MYL4: variants seen among roughly 807,000 people sequenced by gnomAD.
MYL4 encodes myosin light chain 4.
A neutral mutation model predicts 21.6 loss-of-function variants in MYL4; 16 were observed. The ratio of observed to expected loss-of-function variants is 0.74; its 90% CI spans 0.50 to 1.12. The LOEUF (loss-of-function observed/expected upper bound fraction) is 1.12, where lower values mean the gene tolerates loss of function less well. Among genes scored for constraint, MYL4 ranks in the 50% most tolerant of loss-of-function variants. MYL4 has a pLI of 0.00. For missense variants in MYL4, 249 were observed against 252.9 expected (o/e 0.98, Z 0.11); for synonymous variants, 82 against 95.7 (o/e 0.86, Z 0.83).
At chr17:47,209,791 T>C in intron 1 of MYL4, 1 of 615,232 alleles carries the variant, frequency 1.6e-6, no homozygotes, top group Non-Finnish European at 2.8e-6. Context: ...AGCCCTGTCC[T>C]GCTACCCTAG....
At chr17:47,207,068 AG>A (rs1348158508), upstream of MYL4, among the ~76,000 whole-genome samples, 3 of 152,276 alleles carry the variant, frequency 2.0e-5, no homozygotes, top group Admixed American at 6.5e-5. Context: ...GTAGCCGGCA[AG>A]GAAGAGAGGT....
At chr17:47,193,404 T>G in the MYL4 span, among the ~76,000 whole-genome samples, 6,255 of 151,498 alleles carry the variant, frequency 0.041, 193 homozygotes, top group Middle Eastern at 0.099. Flanking sequence ...AGTAGCTGAA[T>G]TTACAGGTGT....
upstream of MYL4, among the ~76,000 whole-genome samples, chr17:47,206,682 T>C (rs930467475): frequency 2.6e-5 from 4 of 152,106 alleles, no homozygotes; most frequent in African/African-American, 9.7e-5. Context: ...GATAGCAAGA[T>C]TGCTAGTCTC....
the MYL4 span, among the ~76,000 whole-genome samples, chr17:47,189,729 C>G: frequency 6.6e-6 from 1 of 152,206 alleles, no homozygotes; most frequent in Admixed American, 6.5e-5. Context: ...AAGTATTTGT[C>G]TATTGAGTTT....
the MYL4 span, among the ~76,000 whole-genome samples, chr17:47,194,988 G>A: frequency 2.7e-5 from 4 of 150,896 alleles, no homozygotes; most frequent in Admixed American, 6.6e-5. Context: ...TGGTCCACCC[G>A]TCTCAGCCTC....
At chr17:47,202,376 T>G (rs1376486121) in intron 1 of MYL4, among the ~76,000 whole-genome samples, 1 of 152,218 alleles carries the variant, frequency 6.6e-6, no homozygotes, top group Non-Finnish European at 1.5e-5. Flanking sequence ...TATAAACACT[T>G]AATCTGTATT....
At chr17:47,227,266 A>G (rs142139163), downstream of MYL4, among the ~76,000 whole-genome samples, 26 of 152,340 alleles carry the variant, frequency 1.7e-4, no homozygotes, top group East Asian at 4.8e-3. Context: ...TTGTCCTCCT[A>G]GTCATCCCTT....
chr17:47,224,651 T>C (rs959322522), downstream of MYL4, among the ~76,000 whole-genome samples: 28 of 152,220 alleles, frequency 1.8e-4, no homozygotes, highest in Admixed American at 6.5e-4. Flanking sequence ...TTATTTCACT[T>C]AGCACAATGT....
At chr17:47,198,743 T>C (rs1286070713), upstream of MYL4, among the ~76,000 whole-genome samples, 1 of 152,016 alleles carries the variant, frequency 6.6e-6, no homozygotes, top group Admixed American at 6.6e-5. Context: ...TCCCAGCACT[T>C]TGGAAGTTCA....
chr17:47,190,340 A>G, the MYL4 span, among the ~76,000 whole-genome samples: 1 of 152,344 alleles, frequency 6.6e-6, no homozygotes, highest in South Asian at 2.1e-4. Context: ...GGCCGTGTCT[A>G]GCATGCAATG....
rs778301288 is a variant in MYL4 at position 47,219,864 on chromosome 17, A to C, written c.164-40A>C. 5.0e-6 allele frequency: 8 copies of C among 1,613,320 alleles called. No homozygotes were observed. In the African/African-American group the frequency reaches 1.1e-4, roughly 22 times the overall value. ...TGATTGGCCACCAGCCACCACCTTC[A>C]CTGGGGATTGGAAGGTATAGCTGGG... On this transcript the variant is annotated intron_variant, in intron 2 of 6. Transcript: ENST00000393450.
chr17:47,224,641 T>TTA (rs1204315709), downstream of MYL4, among the ~76,000 whole-genome samples: 25 of 152,220 alleles, frequency 1.6e-4, no homozygotes, highest in Non-Finnish European at 3.4e-4. Context: ...TGTGACCGGC[T>TTA]TATTTCACTT....
intron 2 of MYL4, among the ~76,000 whole-genome samples, chr17:47,219,233 C>T (rs1471006590): frequency 6.6e-6 from 1 of 152,246 alleles, no homozygotes; most frequent in Non-Finnish European, 1.5e-5. Flanking sequence ...GGTCTTATCA[C>T]TTTGTAAAGT....
chr17:47,192,567 G>A, the MYL4 span, among the ~76,000 whole-genome samples: 129 of 145,952 alleles, frequency 8.8e-4, no homozygotes, highest in African/African-American at 3.2e-3. Context: ...GGAGAATGGC[G>A]TGAATCTGGG....
chr17:47,226,375 GAGA>G (rs1388718766), downstream of MYL4, among the ~76,000 whole-genome samples: 1 of 152,214 alleles, frequency 6.6e-6, no homozygotes, highest in Non-Finnish European at 1.5e-5. Flanking sequence ...TAGCCCCAGG[GAGA>G]AGAAGAGCAT....
At chr17:47,190,205 G>A in the MYL4 span, among the ~76,000 whole-genome samples, 1 of 152,134 alleles carries the variant, frequency 6.6e-6, no homozygotes, top group African/African-American at 2.4e-5. Flanking sequence ...GAAATTCAGA[G>A]GCCTGGTTTT....
chr17:47,201,009 T>C (rs12952296), intron 1 of MYL4, among the ~76,000 whole-genome samples: 1 of 152,042 alleles, frequency 6.6e-6, no homozygotes, highest in Admixed American at 6.6e-5. Context: ...CTGTCTCTAC[T>C]AAAAATACAA....
chr17:47,222,038 G>T (rs968550728), intron 4 of MYL4, among the ~76,000 whole-genome samples, 183 bp downstream of exon 4: 1 of 152,120 alleles, frequency 6.6e-6, no homozygotes, highest in African/African-American at 2.4e-5. Flanking sequence ...AGTTGGGTTT[G>T]CTCAGCAGGT....
At chr17:47,189,443 A>G in the MYL4 span, 1 of 545,462 alleles carries the variant, frequency 1.8e-6, no homozygotes, top group East Asian at 3.1e-5. Flanking sequence ...GTCGAAGATT[A>G]CCGGAAGCTA....
Sources: allele counts gnomAD v4.1 joint callset (sites outside exome capture counted in the v4.1 genomes callset), GRCh38; gene constraint gnomAD v4.1.1; transcripts MANE v1.5; gene names NCBI Gene and HGNC (gene_info 2026-07-23, HGNC 2026-07-21).